CACNA1E: variants seen among roughly 807,000 people sequenced by gnomAD.
CACNA1E encodes calcium voltage-gated channel subunit alpha1 E, also known as voltage-dependent R-type calcium channel subunit alpha-1E.
In CACNA1E, 40 loss-of-function variants were observed where a neutral mutation model predicts 259.2. That is an observed-to-expected ratio of 0.15 (90% confidence interval 0.12 to 0.20). The LOEUF is 0.20. Among genes scored for constraint, CACNA1E ranks in the 10% least tolerant of loss-of-function variants. The pLI, the probability that CACNA1E is intolerant of heterozygous loss-of-function variation, is 1.00. For synonymous variants in CACNA1E, 1,104 were observed against 1,138.5 expected (o/e 0.97, Z 0.61); for missense variants, 1,874 against 3,040.1 (o/e 0.62, Z 9.02).
intron 3 of CACNA1E, among the ~76,000 whole-genome samples, chr1:181,528,149 G>A (rs542990547): frequency 6.6e-6 from 1 of 150,884 alleles, no homozygotes; most frequent in South Asian, 2.1e-4. Context: ...GCCCGGGGTG[G>A]GGGGGGCAGT....
intron 3 of CACNA1E, among the ~76,000 whole-genome samples, chr1:181,567,699 A>G (rs1004220509): frequency 2.0e-5 from 3 of 152,226 alleles, no homozygotes; most frequent in Non-Finnish European, 4.4e-5. Flanking sequence ...AAACTGTTTC[A>G]TCATTCTGGG....
At chr1:181,763,633 G>A in intron 34 of CACNA1E, 102 bp downstream of exon 34, 3 of 814,548 alleles carry the variant, frequency 3.7e-6, no homozygotes, top group East Asian at 2.8e-5. Flanking sequence ...CTGGGAAGCT[G>A]AAGCTAGTAG....
At position 181,631,444 on chromosome 1, in the gene CACNA1E, T is replaced by G. The variant is rs1656728026; in HGVS notation, c.952-19894T>G. Among the ~76,000 whole-genome samples, 6 of 152,194 alleles carry G rather than the reference T, an allele frequency of 3.9e-5. No homozygotes were observed. In the South Asian group the frequency reaches 1.2e-3, roughly 32 times the overall value. ...GTTTTCAGTCTCTCTGAATATATCT[T>G]AAGTTGCCTGATACCAGAGGTGTCC... On this transcript the variant is annotated intron_variant, in intron 6 of 47. Coordinates refer to ENST00000367573, the MANE Select transcript of CACNA1E (RefSeq NM_001205293.3).
chr1:181,767,451 T>C (rs769948849), intron 35 of CACNA1E, among the ~76,000 whole-genome samples: 23 of 152,200 alleles, frequency 1.5e-4, no homozygotes, highest in Non-Finnish European at 2.8e-4. Context: ...GATCCCAGCA[T>C]AGAACTTCGG....
intron 1 of CACNA1E, among the ~76,000 whole-genome samples, chr1:181,492,082 T>A (rs1401410146): frequency 3.3e-5 from 5 of 152,202 alleles, no homozygotes; most frequent in African/African-American, 1.2e-4. Context: ...TCCTCAGGAT[T>A]CTTTCAGTTT....
At chr1:181,348,830 C>T (rs1366354771) in intron 1 of CACNA1E, among the ~76,000 whole-genome samples, 1 of 152,192 alleles carries the variant, frequency 6.6e-6, no homozygotes, top group Non-Finnish European at 1.5e-5. Flanking sequence ...GCAGTAGAGC[C>T]TGTGGGGAGC....
Position 181,412,366 on chromosome 1 carries a change from G to A in CACNA1E, c.-14-767G>A, listed in dbSNP as rs534327410. Among the ~76,000 whole-genome samples, 7 of 152,294 alleles carry A rather than the reference G, an allele frequency of 4.6e-5. No homozygotes were observed. In the East Asian group the frequency reaches 1.2e-3, roughly 25 times the overall value. On this transcript the variant is annotated intron_variant, in intron 1 of 11. Coordinates refer to the CACNA1E transcript ENST00000524607. ...TGAGGAGGATCGCTTGTGCCCAGGA[G>A]TTGAGACTAGTCTAGGCAACACGGG... is the stretch of plus-strand genomic sequence containing the variant.
intron 3 of CACNA1E, among the ~76,000 whole-genome samples, chr1:181,519,546 G>A (rs1278248683): frequency 6.6e-6 from 1 of 152,146 alleles, no homozygotes; most frequent in African/African-American, 2.4e-5. Context: ...TTTAGATCTA[G>A]GAGAATAATA....
intron 6 of CACNA1E, among the ~76,000 whole-genome samples, chr1:181,590,825 A>G (rs2103021890): frequency 6.8e-6 from 1 of 146,612 alleles, no homozygotes; most frequent in East Asian, 2.1e-4. Context: ...CGAACCCAGG[A>G]CTTGTCAGCT....
At chr1:181,421,497 C>G (rs554773641) in intron 2 of CACNA1E, among the ~76,000 whole-genome samples, 2 of 152,160 alleles carry the variant, frequency 1.3e-5, no homozygotes, top group Non-Finnish European at 2.9e-5. Context: ...GAACCCTTGA[C>G]TCTTGAAGCC....
intron 7 of CACNA1E, among the ~76,000 whole-genome samples, chr1:181,665,158 C>T (rs200557567): frequency 1.9e-4 from 1 of 5,318 alleles, no homozygotes; most frequent in Non-Finnish European, 3.6e-4. Flanking sequence ...TATACCTATA[C>T]ACACACACAC....
intron 34 of CACNA1E, 68 bp from the exon 35 acceptor site, chr1:181,766,478 G>A (rs1398197630): frequency 9.2e-7 from 1 of 1,083,212 alleles, no homozygotes; most frequent in African/African-American, 1.5e-5. Flanking sequence ...TACTGCCGGT[G>A]ACTGCAGGTT....
intron 1 of CACNA1E, among the ~76,000 whole-genome samples, chr1:181,360,515 C>A (rs922516091): frequency 1.3e-5 from 2 of 152,064 alleles, no homozygotes; most frequent in Admixed American, 1.3e-4. Context: ...ACTGCATGAT[C>A]CTGTTTGTTT....
chr1:181,719,944 T>A, intron 13 of CACNA1E, 81 bp downstream of exon 13: 1 of 863,734 alleles, frequency 1.2e-6, no homozygotes, highest in Non-Finnish European at 1.8e-6. Flanking sequence ...TTCCATCTTC[T>A]CTTTCCCCCT....
chr1:181,428,419 G>T lies in CACNA1E; in HGVS notation c.434+14839G>T, dbSNP rs547216647. Among the ~76,000 whole-genome samples, 379 of 152,284 alleles carry T rather than the reference G, an allele frequency of 2.5e-3. 2 individuals carry two copies. Among genetic ancestry groups the T allele is most frequent in the African/African-American group, 8.0e-3 (334 of 41,562 alleles). On this transcript the variant is annotated intron_variant, in intron 2 of 11. Coordinates refer to the CACNA1E transcript ENST00000524607. ...TGGGGACACTGTGGCTCAGCTAGGGGCATCCGGCACAGAGTGGAGAGCCCT... is the reference window on the plus strand; with the variant it reads ...TGGGGACACTGTGGCTCAGCTAGGGTCATCCGGCACAGAGTGGAGAGCCCT...
chr1:181,336,912 A>G (rs1161083108), intron 1 of CACNA1E, among the ~76,000 whole-genome samples: 1 of 129,204 alleles, frequency 7.7e-6, no homozygotes, highest in African/African-American at 2.9e-5. Context: ...TTGTCTTTAT[A>G]TTACATCTAT....
At position 181,345,619 on chromosome 1, in the gene CACNA1E, C is replaced by A. The variant is rs541997563; in HGVS notation, c.-15+27496C>A. On this transcript the variant is annotated intron_variant, in intron 1 of 11. Transcript: ENST00000524607. ...GGCGGAGAGGAGACATAGATGAACA[C>A]GCTGGCAAGTTTGGGCTTCTCAGTG... Among the ~76,000 whole-genome samples the A allele has an allele frequency of 5.3e-5, 8 of 152,246 alleles. No individual in the cohort carries two copies. The South Asian group carries it at 1.0e-3, about 20-fold the overall frequency.
At chr1:181,787,256 A>G (rs1194057475) in intron 43 of CACNA1E, among the ~76,000 whole-genome samples, 1 of 151,740 alleles carries the variant, frequency 6.6e-6, no homozygotes, top group Non-Finnish European at 1.5e-5. Context: ...AGTAGCTGGG[A>G]CTACAGGCAC....
chr1:181,550,392 C>T (rs1368798094), intron 3 of CACNA1E, among the ~76,000 whole-genome samples: 1 of 151,928 alleles, frequency 6.6e-6, no homozygotes, highest in Non-Finnish European at 1.5e-5. Context: ...GTGGACACCT[C>T]GATTCATCAC....
Sources: gnomAD v4.1 joint callset for allele counts (sites outside exome capture counted in the v4.1 genomes callset) on GRCh38, gnomAD v4.1.1 for gene constraint, MANE v1.5 for transcripts, NCBI Gene and HGNC (gene_info 2026-07-23, HGNC 2026-07-21) for gene names.